The following ARHGEF28 variants were observed in gnomAD, a reference collection of about 807,000 sequenced individuals.
ARHGEF28 encodes Rho guanine nucleotide exchange factor 28.
ARHGEF28 carries 152 observed loss-of-function variants against 206.6 expected under a neutral mutation model. The ratio of observed to expected loss-of-function variants is 0.74; its 90% CI spans 0.64 to 0.84. The LOEUF (loss-of-function observed/expected upper bound fraction) is 0.84. Ranked by LOEUF, ARHGEF28 falls within the 40% of genes least tolerant of loss-of-function variation. The pLI is 0.00. For missense variants in ARHGEF28, 2,028 were observed against 2,073.2 expected, an observed-to-expected ratio of 0.98 and a Z score of 0.42; for synonymous variants, 763 against 776.4, an observed-to-expected ratio of 0.98 and a Z score of 0.29.
At chr5:73,688,951 G>A (rs779138235) in intron 2 of ARHGEF28, among the ~76,000 whole-genome samples, 11 of 152,192 alleles carry the variant, frequency 7.2e-5, no homozygotes, top group Admixed American at 1.3e-4. Flanking sequence ...ATCACACCAG[G>A]CCAATAATGT....
intron 1 of ARHGEF28, among the ~76,000 whole-genome samples, chr5:73,644,953 A>T (rs1280924541): frequency 6.6e-6 from 1 of 152,126 alleles, no homozygotes; most frequent in Non-Finnish European, 1.5e-5. Context: ...CAAGAAAGAG[A>T]TTTTAGTAGT....
At chr5:73,900,080 C>T (rs1357875928) in intron 30 of ARHGEF28, 2 of 152,186 alleles carry the variant, frequency 1.3e-5, no homozygotes, top group Admixed American at 6.5e-5. Context: ...TGCTGATCAG[C>T]TTGAACAAAA....
chr5:73,818,118 G>A (rs1756344727), intron 9 of ARHGEF28, among the ~76,000 whole-genome samples: 1 of 152,132 alleles, frequency 6.6e-6, no homozygotes, highest in Non-Finnish European at 1.5e-5. Context: ...GGCTGGGAGT[G>A]CTTTCCACTG....
intron 24 of ARHGEF28, among the ~76,000 whole-genome samples, chr5:73,885,439 T>TG (rs925420913): frequency 1.7e-4 from 25 of 151,340 alleles, no homozygotes; most frequent in Non-Finnish European, 2.9e-4. Flanking sequence ...ATTTTTTTGG[T>TG]GGGGGGGTGG....
At chr5:73,793,174 T>A (rs1754586779) in intron 7 of ARHGEF28, among the ~76,000 whole-genome samples, 1 of 152,254 alleles carries the variant, frequency 6.6e-6, no homozygotes, top group African/African-American at 2.4e-5. Context: ...AATGTAGTAT[T>A]ACTTGCTTTC....
chr5:73,703,647 T>TTG (rs56160198), intron 2 of ARHGEF28, among the ~76,000 whole-genome samples: 17,862 of 139,606 alleles, frequency 0.13, 1,186 homozygotes, highest in Admixed American at 0.23. Context: ...TTTCCCAGCA[T>TTG]TGTGTGTGTG....
intron 7 of ARHGEF28, among the ~76,000 whole-genome samples, chr5:73,781,801 A>G (rs1753862036): frequency 6.6e-6 from 1 of 152,170 alleles, no homozygotes; most frequent in Non-Finnish European, 1.5e-5. Flanking sequence ...AGGATATTAT[A>G]TTGATTTTTA....
chr5:73,752,208 C>T (rs898852215), intron 3 of ARHGEF28, among the ~76,000 whole-genome samples: 1 of 152,098 alleles, frequency 6.6e-6, no homozygotes, highest in Non-Finnish European at 1.5e-5. Flanking sequence ...AAGAGCTTCC[C>T]AGCTCTGGCA....
intron 9 of ARHGEF28, among the ~76,000 whole-genome samples, chr5:73,799,470 C>T (rs771763923): frequency 7.9e-5 from 12 of 152,116 alleles, no homozygotes; most frequent in Non-Finnish European, 1.8e-4. Flanking sequence ...GACTGTGAAA[C>T]CATAATGCCA....
chr5:73,781,097 C>T (rs1753821458), intron 7 of ARHGEF28, among the ~76,000 whole-genome samples: 1 of 152,172 alleles, frequency 6.6e-6, no homozygotes, highest in Non-Finnish European at 1.5e-5. Context: ...TCTTTAGTTT[C>T]TTCCACCTTT....
intron 14 of ARHGEF28, among the ~76,000 whole-genome samples, chr5:73,857,233 A>G: frequency 6.6e-6 from 1 of 152,122 alleles, no homozygotes; most frequent in Non-Finnish European, 1.5e-5. Flanking sequence ...CCAGTTGCAT[A>G]TTGTTGGTTA....
chr5:73,785,579 T>C lies in ARHGEF28; in HGVS notation c.910+4834T>C, dbSNP rs377591407. Among the ~76,000 whole-genome samples, 10 of 152,184 alleles carry C rather than the reference T, an allele frequency of 6.6e-5. No individual in the cohort carries two copies. The South Asian group carries it at 1.7e-3, about 25-fold the overall frequency. On this transcript the variant is annotated intron_variant, in intron 7 of 35. Coordinates refer to ENST00000513042, the MANE Select transcript of ARHGEF28 (RefSeq NM_001177693.2). ...TCCCACTTCAATTCTTGATATCACA[T>C]GGGAGGCTATTGCCTGCCTGGCATC...
chr5:73,813,514 C>T (rs1230912030), intron 9 of ARHGEF28: 15 of 1,525,142 alleles, frequency 9.8e-6, no homozygotes, highest in Admixed American at 2.0e-5. Flanking sequence ...GGGAGGCTTG[C>T]CTCCTGGCTG....
chr5:73,670,155 G>A (rs887412892), intron 1 of ARHGEF28, among the ~76,000 whole-genome samples: 5 of 152,216 alleles, frequency 3.3e-5, no homozygotes, highest in Admixed American at 6.5e-5. Flanking sequence ...CCCCCAGTGT[G>A]GTGTCTAACC....
chr5:73,744,559 T>C (rs921696073), intron 2 of ARHGEF28, among the ~76,000 whole-genome samples: 1 of 152,030 alleles, frequency 6.6e-6, no homozygotes, highest in Non-Finnish European at 1.5e-5. Flanking sequence ...TTTCTTATTG[T>C]AAAGAAGACA....
chr5:73,901,864 A>G (rs1211307255), intron 31 of ARHGEF28: 1 of 152,198 alleles, frequency 6.6e-6, no homozygotes, highest in Non-Finnish European at 1.5e-5. Flanking sequence ...AGACATAGAT[A>G]TTAACTCTCT....
intron 1 of ARHGEF28, among the ~76,000 whole-genome samples, chr5:73,634,874 A>G (rs1743600761): frequency 1.3e-5 from 2 of 152,196 alleles, no homozygotes; most frequent in Non-Finnish European, 2.9e-5. Context: ...CCCCAAGCCA[A>G]CCTATTCCTT....
At chr5:73,834,130 A>G (rs1757463591) in intron 10 of ARHGEF28, among the ~76,000 whole-genome samples, 1 of 152,258 alleles carries the variant, frequency 6.6e-6, no homozygotes, top group African/African-American at 2.4e-5. Context: ...ACATGTACAT[A>G]TTATGAGATA....
intron 12 of ARHGEF28, among the ~76,000 whole-genome samples, chr5:73,847,765 A>G (rs182835526): frequency 5.9e-5 from 9 of 152,218 alleles, no homozygotes; most frequent in Admixed American, 5.9e-4. Flanking sequence ...TTCTATTGTC[A>G]TGACAAATGG....
Sources: gnomAD v4.1 joint callset for allele counts (sites outside exome capture counted in the v4.1 genomes callset) on GRCh38, gnomAD v4.1.1 for gene constraint, MANE v1.5 for transcripts, NCBI Gene and HGNC (gene_info 2026-07-23, HGNC 2026-07-21) for gene names.